The following FFAR2 variants were observed in gnomAD, a reference collection of about 807,000 sequenced individuals.
FFAR2 encodes the protein G-protein coupled receptor 43.
For missense variants in FFAR2, 421 were observed against 428.9 expected (o/e 0.98, Z 0.16); for synonymous variants, 193 against 189.9 (o/e 1.02, Z -0.13).
In FFAR2 at chr19:35,450,334, T is replaced by C. The variant is rs768494363; in HGVS notation, c.620T>C (p.Leu207Pro). The C allele has an allele frequency of 1.2e-6, 2 of 1,614,192 alleles. No individual in the cohort carries two copies. The highest frequency in any genetic ancestry group is 4.5e-5 in the East Asian group (2 of 44,880). The change falls in exon 2 of 2, where the codon CTC becomes CCC. Residue 207 changes from leucine to proline, a missense_variant. Leu to Pro is a moderately conservative substitution (Grantham distance 98). Coordinates refer to ENST00000599180, the MANE Select transcript of FFAR2 (RefSeq NM_001370087.1). ...FCYWRFVWIM[L>P]SQPLVGAQRR... is the part of the protein sequence containing the mutation. ...TACTGGCGTTTTGTGTGGATCATGC[T>C]CTCCCAGCCCCTTGTGGGGGCCCAG...
At chr19:35,449,560 G>A (rs552405065) in intron 1 of FFAR2, 154 bp from the exon 2 acceptor site, 2 of 255,684 alleles carry the variant, frequency 7.8e-6, no homozygotes, top group African/African-American at 2.3e-5. Context: ...TGGGTAGTTC[G>A]AGCAGGTGGT....
intron 1 of FFAR2, among the ~76,000 whole-genome samples, chr19:35,449,270 G>A (rs1239957379): frequency 2.0e-5 from 3 of 152,162 alleles, no homozygotes; most frequent in African/African-American, 7.2e-5. Flanking sequence ...CCGCGCCTGG[G>A]GCGCCACAGC....
chr19:35,450,743 C>T lies in FFAR2; in HGVS notation c.*36C>T, dbSNP rs1357271216. 1 of 1,583,440 alleles carries T rather than the reference C, an allele frequency of 6.3e-7. No homozygotes were observed. The highest frequency in any genetic ancestry group is 2.2e-5 in the East Asian group (1 of 44,480). On this transcript the variant is annotated 3_prime_UTR_variant, in exon 2 of 2. Transcript: ENST00000599180. Reference sequence around the variant, plus strand: ...GGACCTTCAGAGGTCGCCTGGGTTACACAGGAGCTGGGAAGCCTGGGAGAG... The same window carrying T: ...GGACCTTCAGAGGTCGCCTGGGTTATACAGGAGCTGGGAAGCCTGGGAGAG...
intron 1 of FFAR2, among the ~76,000 whole-genome samples, chr19:35,449,005 C>T (rs775423337): frequency 2.6e-5 from 4 of 151,512 alleles, no homozygotes; most frequent in African/African-American, 7.3e-5. Flanking sequence ...GGTTTCACCA[C>T]GTTGGCCAGG....
intron 1 of FFAR2, among the ~76,000 whole-genome samples, chr19:35,448,865 G>A (rs1231221490): frequency 6.7e-6 from 1 of 148,412 alleles, no homozygotes; most frequent in African/African-American, 2.5e-5. Flanking sequence ...GTGCAATGGC[G>A]CAATCTTGAC....
At position 35,449,900 on chromosome 19, in the gene FFAR2, G is replaced by GCTC; in HGVS notation, c.187_188insTCC (p.Leu62dup). 6.2e-7 allele frequency: 1 copy of GCTC among 1,612,954 alleles called. No homozygotes were observed. The highest frequency in any genetic ancestry group is 8.5e-7 in the Non-Finnish European group (1 of 1,179,988). On this transcript the variant is annotated inframe_insertion, in exon 2 of 2. Coordinates refer to ENST00000599180, the MANE Select transcript of FFAR2 (RefSeq NM_001370087.1). ...CCGACCTCCTCCTGCTGCTGCTGCT[G>GCTC]CCCTTCAAGATCATCGAGGCTGCGT...
chr19:35,449,918 G>C lies in FFAR2; in HGVS notation c.204G>C (p.Glu68Asp). 1.2e-6 allele frequency: 2 copies of C among 1,613,326 alleles called. No individual in the cohort carries two copies. Among genetic ancestry groups the C allele is most frequent in the South Asian group, 1.1e-5 (1 of 91,082 alleles). ...TGCTGCTGCCCTTCAAGATCATCGA[G>C]GCTGCGTCGAACTTCCGCTGGTACC... ...LLLLLPFKII[E>D]AASNFRWYLP... Residue 68 changes from glutamate (E) to aspartate (D), a missense_variant, in exon 2 of 2, where the codon GAG (glutamate) becomes GAC (aspartate). Transcript: ENST00000599180.
rs2067376836 is a variant in FFAR2, at chr19:35,450,699, A to G, written c.985A>G (p.Thr329Ala). ...AGGGATGCCAAGTTCGGACTTCACT[A>G]CAGAGTAGCAGTTTCCCTGGACCTT... ...GEGMPSSDFTTE is the reference protein window; with the variant it reads ...GEGMPSSDFTAE Residue 329 changes from threonine (T) to alanine (A), a missense_variant, in exon 2 of 2, where the codon ACA becomes GCA. By Grantham distance (58) the Thr-to-Ala change is moderately conservative. Transcript: ENST00000599180. 6.2e-7 allele frequency: 1 copy of G among 1,612,556 alleles called. No individual in the cohort carries two copies. Among genetic ancestry groups the G allele is most frequent in the Non-Finnish European group, 8.5e-7 (1 of 1,178,816 alleles).
At chr19:35,448,748 G>A (rs1232856301) in intron 1 of FFAR2, among the ~76,000 whole-genome samples, 1 of 151,852 alleles carries the variant, frequency 6.6e-6, no homozygotes. Context: ...GCTAGTGCTG[G>A]TTCATCCTTC....
intron 1 of FFAR2, 61 bp from the exon 2 acceptor site, chr19:35,449,653 G>A: frequency 6.6e-7 from 1 of 1,505,818 alleles, no homozygotes; most frequent in South Asian, 1.3e-5. Flanking sequence ...CTGAAGGAGA[G>A]CTGGCTGCGC....
Position 35,449,896 on chromosome 19 carries a change from T to G in FFAR2, c.182T>G (p.Leu61Arg). 1 of 1,613,140 alleles carries G rather than the reference T, an allele frequency of 6.2e-7. No homozygotes were observed. The highest frequency in any genetic ancestry group is 8.5e-7 in the Non-Finnish European group (1 of 1,180,030). Residue 61 changes from leucine (L) to arginine (R), a missense_variant, in exon 2 of 2, where the codon CTG becomes CGG. Transcript: ENST00000599180. ...LTLADLLLLL[L>R]LPFKIIEAAS... ...CTGGCCGACCTCCTCCTGCTGCTGCTGCTGCCCTTCAAGATCATCGAGGCT... is the reference window on the plus strand; with the variant it reads ...CTGGCCGACCTCCTCCTGCTGCTGCGGCTGCCCTTCAAGATCATCGAGGCT...
At position 35,451,696 on chromosome 19, in the gene FFAR2, A is replaced by T. The variant is rs1049388174; in HGVS notation, c.*989A>T. 1.6e-4 allele frequency: 24 copies of T among 152,192 alleles called. No individual in the cohort carries two copies. The highest frequency in any genetic ancestry group is 5.3e-4 in the African/African-American group (22 of 41,448). 9.4% of individuals were successfully genotyped at this position (152,192 alleles called of 1,614,324 possible). On this transcript the variant is annotated 3_prime_UTR_variant, in exon 2 of 2. Coordinates refer to ENST00000599180, the MANE Select transcript of FFAR2 (RefSeq NM_001370087.1). ...GTGGTTTGGTACCCAGCAATCAGAG[A>T]TTGGCACTCCCTCATACAGGGGAAA...
Position 35,450,168 on chromosome 19 carries a change from A to G in FFAR2, c.454A>G (p.Thr152Ala), listed in dbSNP as rs552949247. ...CGTGATCATCGTTCAATACTTGAACACGACTGAGCAGGTCAGAAGTGGCAA... is the reference window on the plus strand; with the variant it reads ...CGTGATCATCGTTCAATACTTGAACGCGACTGAGCAGGTCAGAAGTGGCAA... Reference protein sequence around the residue: ...TIVIIVQYLNTTEQVRSGNEI... With the variant: ...TIVIIVQYLNATEQVRSGNEI... Residue 152 changes from threonine to alanine, a missense_variant, in exon 2 of 2, where the codon ACG becomes GCG. Physicochemically the swap from Thr to Ala is moderately conservative, Grantham distance 58. Transcript: ENST00000599180. 4.6e-5 allele frequency: 74 copies of G among 1,614,222 alleles called. 1 individual carries two copies. In the South Asian group the frequency reaches 7.5e-4, roughly 16 times the overall value.
rs2067359707 is a variant in FFAR2, at chr19:35,448,387, A to G, written c.-2+8A>G. 1 of 152,362 alleles carries G rather than the reference A, an allele frequency of 6.6e-6. No individual in the cohort carries two copies. The highest frequency in any genetic ancestry group is 2.4e-5 in the African/African-American group (1 of 41,456). 9.4% of individuals were successfully genotyped at this position (152,362 alleles called of 1,614,324 possible). Reference sequence around the variant, plus strand: ...TATCCGGAACAACACAAGGCAAGGCAGCTAGTGTAGTGCTTGTGCTCTGGG... The same window carrying G: ...TATCCGGAACAACACAAGGCAAGGCGGCTAGTGTAGTGCTTGTGCTCTGGG... On this transcript the variant is annotated splice_region_variant and intron_variant, in intron 1 of 1. Transcript: ENST00000599180.
rs1363627512 is a variant in FFAR2 at position 35,451,416 on chromosome 19, CAA to C, written c.*710_*711del. ...GCGGTTGATCCTGGAGATAAACCAA[CAA>C]GAGAGAGATGGAAGAGAAATACTAA... On this transcript the variant is annotated 3_prime_UTR_variant, in exon 2 of 2. Transcript: ENST00000599180. 2 of 152,016 alleles carry C rather than the reference CAA, an allele frequency of 1.3e-5. No individual in the cohort carries two copies. The highest frequency in any genetic ancestry group is 2.4e-5 in the African/African-American group (1 of 41,354). 9.4% of individuals were successfully genotyped at this position (152,016 alleles called of 1,614,324 possible).
In FFAR2 at chr19:35,449,935, G is replaced by A. The variant is rs767507278; in HGVS notation, c.221G>A (p.Arg74His). Residue 74 changes from arginine to histidine, a missense_variant, in exon 2 of 2, where the codon CGC becomes CAC. Transcript: ENST00000599180. ...FKIIEAASNF[R>H]WYLPKVVCAL... ...ATCATCGAGGCTGCGTCGAACTTCC[G>A]CTGGTACCTGCCCAAGGTCGTCTGC... 2.2e-5 allele frequency: 36 copies of A among 1,613,530 alleles called. No individual in the cohort carries two copies. In the African/African-American group the frequency reaches 3.2e-4, roughly 14 times the overall value.
At position 35,450,231 on chromosome 19, in the gene FFAR2, T is replaced by G; in HGVS notation, c.517T>G (p.Leu173Val). 6.2e-7 allele frequency: 1 copy of G among 1,614,200 alleles called. No homozygotes were observed. The highest frequency in any genetic ancestry group is 8.5e-7 in the Non-Finnish European group (1 of 1,180,048). The change falls in exon 2 of 2, where the codon TTG (leucine) becomes GTG (valine). Residue 173 changes from leucine (L) to valine (V), a missense_variant. Transcript: ENST00000599180. Reference protein sequence around the residue: ...TCYENFTDNQLDVVLPVRLEL... With the variant: ...TCYENFTDNQVDVVLPVRLEL... ...CTACGAGAACTTCACCGATAACCAG[T>G]TGGACGTGGTGCTGCCCGTGCGGCT...
Position 35,450,327 on chromosome 19 carries a change from A to G in FFAR2, c.613A>G (p.Ile205Val). 6.2e-7 allele frequency: 1 copy of G among 1,614,078 alleles called. No homozygotes were observed. Among genetic ancestry groups the G allele is most frequent in the Non-Finnish European group, 8.5e-7 (1 of 1,180,010 alleles). The part of the protein sequence containing the change: ...TIFCYWRFVW[I>V]MLSQPLVGAQ... ...CTTCTGCTACTGGCGTTTTGTGTGG[A>G]TCATGCTCTCCCAGCCCCTTGTGGG... The change falls in exon 2 of 2, where the codon ATC becomes GTC. Residue 205 changes from isoleucine to valine, a missense_variant. Transcript: ENST00000599180.
Position 35,450,479 on chromosome 19 carries a change from G to A in FFAR2, c.765G>A (p.Arg255=), listed in dbSNP as rs1375545394. The change falls in exon 2 of 2, where the codon CGG becomes CGA. Residue 255 remains arginine (R), a synonymous_variant. Transcript: ENST00000599180. ...GYHQRKSPWW[R]SIAVVFSSLN... ...ACCAGAGAAAAAGCCCCTGGTGGCG[G>A]TCAATAGCCGTGGTGTTCAGTTCAC... The A allele has an allele frequency of 1.9e-6, 3 of 1,614,270 alleles. No individual in the cohort carries two copies. In the East Asian group the frequency reaches 6.7e-5, roughly 36 times the overall value.
Sources: allele counts gnomAD v4.1 joint callset (sites outside exome capture counted in the v4.1 genomes callset), GRCh38; gene constraint gnomAD v4.1.1; transcripts MANE v1.5; gene names NCBI Gene and HGNC (gene_info 2026-07-23, HGNC 2026-07-21).